TYW5: variants seen among roughly 807,000 people sequenced by gnomAD.
The protein encoded by TYW5 is tRNA-yW synthesizing protein 5.
Under a neutral mutation model 44.4 loss-of-function variants are expected in TYW5, and 36 were observed. The ratio of observed to expected loss-of-function variants is 0.81; its 90% CI spans 0.62 to 1.07. The LOEUF is 1.07. Ranked by LOEUF, TYW5 falls within the 50% of genes least tolerant of loss-of-function variation. TYW5 has a pLI of 0.00. For synonymous variants in TYW5, 121 were observed against 128.1 expected (o/e 0.94, Z 0.37); for missense variants, 354 against 365.7 (o/e 0.97, Z 0.26).
intron 4 of TYW5, 36 bp downstream of exon 4, chr2:199,940,053 G>T: frequency 6.9e-6 from 11 of 1,594,156 alleles, no homozygotes; most frequent in Non-Finnish European, 9.4e-6. Flanking sequence ...CATCCATTTA[G>T]ATTTTAGGGA....
rs371095372 is a variant in TYW5 at position 199,955,456 on chromosome 2, G to C, written c.15C>G (p.His5Gln). The C allele has an allele frequency of 1.2e-6, 2 of 1,613,714 alleles. No homozygotes were observed. Among genetic ancestry groups the C allele is most frequent in the African/African-American group, 1.3e-5 (1 of 74,932 alleles). The stretch of plus-strand genomic sequence containing the variant: ...CGCCCTCCAGCCGGGGTACCGGGAG[G>C]TGCTGCCCGGCCATGGTTGCTCACG... Reference protein sequence around the residue: MAGQHLPVPRLEGVS... With the variant: MAGQQLPVPRLEGVS... Residue 5 changes from histidine to glutamine, a missense_variant, in exon 1 of 8, where the codon CAC (histidine) becomes CAG (glutamine). By Grantham distance (24) the His-to-Gln change is conservative. Coordinates refer to ENST00000354611, the MANE Select transcript of TYW5 (RefSeq NM_001039693.3).
intron 2 of TYW5, chr2:199,947,795 A>G (rs1036901776): frequency 1.9e-5 from 3 of 157,190 alleles, no homozygotes; most frequent in African/African-American, 7.2e-5. Flanking sequence ...TATATACCCT[A>G]TTTAAAAAAT....
chr2:199,937,703 CATAGA>C (rs2077431780), intron 5 of TYW5, among the ~76,000 whole-genome samples: 1 of 152,156 alleles, frequency 6.6e-6, no homozygotes, highest in African/African-American at 2.4e-5. Context: ...TCATCATCAT[CATAGA>C]ATATAGTTAA....
intron 5 of TYW5, among the ~76,000 whole-genome samples, chr2:199,937,267 C>G (rs2077427702): frequency 1.3e-5 from 2 of 152,198 alleles, no homozygotes; most frequent in South Asian, 2.1e-4. Flanking sequence ...CATAACTATA[C>G]AATTCAAACT....
At chr2:199,949,329 T>C (rs760615671) in intron 1 of TYW5, among the ~76,000 whole-genome samples, 10 of 152,126 alleles carry the variant, frequency 6.6e-5, no homozygotes, top group Non-Finnish European at 1.3e-4. Flanking sequence ...GGTCGCACCA[T>C]TGTACTCCAG....
chr2:199,948,450 C>T lies in TYW5; in HGVS notation c.101G>A (p.Gly34Glu). 1 of 1,614,004 alleles carries T rather than the reference C, an allele frequency of 6.2e-7. No homozygotes were observed. Among genetic ancestry groups the T allele is most frequent in the Middle Eastern group, 1.7e-4 (1 of 6,060 alleles). ...GCTTGTACATGGCCCCAAATCAATCCCTTCCAACACAAGAGGTTTTCTCTG... is the reference window on the plus strand; with the variant it reads ...GCTTGTACATGGCCCCAAATCAATCTCTTCCAACACAAGAGGTTTTCTCTG... Reference protein sequence around the residue: ...YPQRKPLVLEGIDLGPCTSKW... With the variant: ...YPQRKPLVLEEIDLGPCTSKW... The change falls in exon 2 of 8, where the codon GGG (glycine) becomes GAG (glutamate). Residue 34 changes from glycine to glutamate, a missense_variant. Gly to Glu is a moderately conservative substitution (Grantham distance 98). Transcript: ENST00000354611.
At chr2:199,955,248 G>T in intron 1 of TYW5, 145 bp downstream of exon 1, 1 of 888,880 alleles carries the variant, frequency 1.1e-6, no homozygotes, top group South Asian at 1.7e-5. Context: ...CTTTCCCTTG[G>T]TCTAAGGGCC....
intron 5 of TYW5, 126 bp from the exon 6 acceptor site, chr2:199,936,618 C>G (rs985355211): frequency 5.7e-6 from 4 of 698,718 alleles, no homozygotes; most frequent in Non-Finnish European, 9.7e-6. Flanking sequence ...AAGACTCTTA[C>G]AGTTACCTAA....
chr2:199,929,347 AAT>A lies in TYW5; in HGVS notation c.*3718_*3719del, dbSNP rs976817057. 1.5e-4 allele frequency among the ~76,000 whole-genome samples: 22 copies of A among 145,816 alleles called. No homozygotes were observed. Among genetic ancestry groups the A allele is most frequent in the African/African-American group, 2.9e-4 (12 of 41,100 alleles). ...AACTTAAAAGTATAATAAAAAAATA[AAT>A]AGAGACTACAACTTAGGTATATTTA... On this transcript the variant is annotated 3_prime_UTR_variant, in exon 8 of 8. Coordinates refer to ENST00000354611, the MANE Select transcript of TYW5 (RefSeq NM_001039693.3).
chr2:199,936,064 AG>A lies in TYW5; in HGVS notation c.575-18del. 4.3e-6 allele frequency: 6 copies of A among 1,392,462 alleles called. No individual in the cohort carries two copies. The highest frequency in any genetic ancestry group is 6.1e-6 in the Non-Finnish European group (6 of 987,782). 86.3% of individuals were successfully genotyped at this position (1,392,462 alleles called of 1,614,324 possible). A position where few individuals can be genotyped will look rare whatever the true frequency, so the allele number is the denominator to read the frequency against. Reference sequence around the variant, plus strand: ...ATTTAGTACCTAAAAAGTTCCAAAAAGGGATAATATAGATTCAGCAAAGTTA... The same window carrying A: ...ATTTAGTACCTAAAAAGTTCCAAAAAGGATAATATAGATTCAGCAAAGTTA... On this transcript the variant is annotated intron_variant, in intron 6 of 7. Coordinates refer to ENST00000354611, the MANE Select transcript of TYW5 (RefSeq NM_001039693.3).
intron 7 of TYW5, among the ~76,000 whole-genome samples, 199 bp downstream of exon 7, chr2:199,935,731 CA>C (rs2077413573): frequency 3.1e-5 from 1 of 32,346 alleles, no homozygotes; most frequent in Non-Finnish European, 6.4e-5. Flanking sequence ...CACACACACA[CA>C]CACACACACA....
At chr2:199,947,389 T>C (rs973073683) in intron 2 of TYW5, 1 of 152,254 alleles carries the variant, frequency 6.6e-6, no homozygotes, top group Non-Finnish European at 1.5e-5. Context: ...ATCTGCAAGA[T>C]GACAGCATTT....
In TYW5 at chr2:199,935,938, G is replaced by A. The variant is rs201739740; in HGVS notation, c.684C>T (p.Phe228=). Residue 228 remains phenylalanine, a synonymous_variant, in exon 7 of 8, where the codon TTC becomes TTT. Coordinates refer to ENST00000354611, the MANE Select transcript of TYW5 (RefSeq NM_001039693.3). ...ECSLEAGDVL[F]IPALWFHNVI... is the part of the protein sequence containing the mutation. ...GAGGTCTAGAAATCTTACCAGGAAT[G>A]AATAATACATCACCAGCTTCAAGGG... is the stretch of plus-strand genomic sequence containing the variant. 4 of 1,602,738 alleles carry A rather than the reference G, an allele frequency of 2.5e-6. No homozygotes were observed. In the East Asian group the frequency reaches 6.7e-5, roughly 27 times the overall value.
intron 7 of TYW5, among the ~76,000 whole-genome samples, chr2:199,934,547 A>G (rs1389774794): frequency 6.6e-6 from 1 of 152,072 alleles, no homozygotes; most frequent in Non-Finnish European, 1.5e-5. Flanking sequence ...GAAAGCCATT[A>G]TATCATATCT....
rs1309464255 is a variant in TYW5, at chr2:199,929,220, G to GAGAT, written c.*3843_*3846dup. Reference sequence around the variant, plus strand: ...GGGGAGGGGGAAGGGATAGCATTAGGAGATATACCTAATGTAAATGACGAG... The same window carrying GAGAT: ...GGGGAGGGGGAAGGGATAGCATTAGGAGATAGATATACCTAATGTAAATGACGAG... On this transcript the variant is annotated 3_prime_UTR_variant, in exon 8 of 8. Coordinates refer to ENST00000354611, the MANE Select transcript of TYW5 (RefSeq NM_001039693.3). Among the ~76,000 whole-genome samples the GAGAT allele has an allele frequency of 6.6e-6, 1 of 152,070 alleles. No homozygotes were observed. The highest frequency in any genetic ancestry group is 1.5e-5 in the Non-Finnish European group (1 of 68,018).
At chr2:199,934,943 G>C (rs1214884592) in intron 7 of TYW5, among the ~76,000 whole-genome samples, 1 of 151,872 alleles carries the variant, frequency 6.6e-6, no homozygotes, top group Non-Finnish European at 1.5e-5. Flanking sequence ...TACTACAGGT[G>C]TTGAGATTAT....
rs1258830612 is a variant in TYW5 at position 199,932,268 on chromosome 2, T to A, written c.*799A>T. 1 of 152,192 alleles carries A rather than the reference T, an allele frequency of 6.6e-6. No homozygotes were observed. Among genetic ancestry groups the A allele is most frequent in the Non-Finnish European group, 1.5e-5 (1 of 68,040 alleles). The allele number at this position is 152,192 out of a possible 1,614,324, so 9.4% of individuals were successfully genotyped here. A position where few individuals can be genotyped will look rare whatever the true frequency, so the allele number is the denominator to read the frequency against. On this transcript the variant is annotated 3_prime_UTR_variant, in exon 8 of 8. Coordinates refer to ENST00000354611, the MANE Select transcript of TYW5 (RefSeq NM_001039693.3). ...AGTCTACAAAGTTGGGACCTAGGTA[T>A]CTGTACATTTTTTAAAGTTCCTCAA...
chr2:199,934,966 T>C (rs923871103), intron 7 of TYW5, among the ~76,000 whole-genome samples: 6 of 152,026 alleles, frequency 3.9e-5, no homozygotes, highest in African/African-American at 9.7e-5. Context: ...CATTTTAATA[T>C]GAAATCTTTC....
intron 5 of TYW5, among the ~76,000 whole-genome samples, chr2:199,938,088 A>G (rs1378015279): frequency 6.6e-6 from 1 of 151,268 alleles, no homozygotes; most frequent in Non-Finnish European, 1.5e-5. Flanking sequence ...TTTTTGAGAC[A>G]GAGTCTCGTT....
Sources: allele counts gnomAD v4.1 joint callset (sites outside exome capture counted in the v4.1 genomes callset), GRCh38; gene constraint gnomAD v4.1.1; transcripts MANE v1.5; gene names NCBI Gene and HGNC (gene_info 2026-07-23, HGNC 2026-07-21).